Variants in PTPRC observed in about 807,000 individuals in gnomAD.
PTPRC encodes the protein protein tyrosine phosphatase receptor type C, also known as receptor-type tyrosine-protein phosphatase C.
Under a neutral mutation model 155.9 loss-of-function variants are expected in PTPRC, and 44 were observed. The observed-to-expected ratio is 0.28, with a 90% CI of 0.22 to 0.36. PTPRC has a LOEUF of 0.36. Among genes scored for constraint, PTPRC ranks in the 10% least tolerant of loss-of-function variants. PTPRC has a pLI of 1.00. For missense variants in PTPRC, 1,401 were observed against 1,564.6 expected (o/e 0.90, Z 1.76); for synonymous variants, 525 against 533.1 (o/e 0.98, Z 0.21).
chr1:198,735,134 G>T lies in PTPRC; in HGVS notation c.2285G>T (p.Cys762Phe). ...TAATTTTTTAAAATGTAGAACAAGTGTGCAGAATACTGGCCGTCAATGGAA... is the reference window on the plus strand; with the variant it reads ...TAATTTTTTAAAATGTAGAACAAGTTTGCAGAATACTGGCCGTCAATGGAA... The part of the protein sequence containing the change: ...TRCEEGNRNK[C>F]AEYWPSMEEG... The change falls in exon 23 of 33, where the codon TGT becomes TTT. Residue 762 changes from cysteine to phenylalanine, a missense_variant. Around this residue, in one of 3 missense-constraint regions of PTPRC, gnomAD observed 867 missense variants for 970.4 expected, o/e 0.89. Coordinates refer to ENST00000442510, the MANE Select transcript of PTPRC (RefSeq NM_002838.5). 1 of 1,600,250 alleles carries T rather than the reference G, an allele frequency of 6.2e-7. No homozygotes were observed. The highest frequency in any genetic ancestry group is 8.5e-7 in the Non-Finnish European group (1 of 1,172,148).
At position 198,699,645 on chromosome 1, in the gene PTPRC, T is replaced by C. The variant is rs778137179; in HGVS notation, c.380T>C (p.Phe127Ser). Residue 127 changes from phenylalanine to serine, a missense_variant, in exon 5 of 33, where the codon TTC becomes TCC. By Grantham distance (155) the Phe-to-Ser change is radical. Around this residue, in one of 3 missense-constraint regions of PTPRC, gnomAD observed 867 missense variants for 970.4 expected, o/e 0.89. Coordinates refer to ENST00000442510, the MANE Select transcript of PTPRC (RefSeq NM_002838.5). ...TCTGCTGGAACTGACACGCAGACAT[T>C]CAGCGGCTCCGCCGCCAATGCAAAA... ...TPSAGTDTQT[F>S]SGSAANAKLN... 8.7e-6 allele frequency: 14 copies of C among 1,614,050 alleles called. No individual in the cohort carries two copies. Among genetic ancestry groups the C allele is most frequent in the Non-Finnish European group, 1.2e-5 (14 of 1,180,034 alleles).
At chr1:198,743,809 C>G (rs556110013) in intron 25 of PTPRC, among the ~76,000 whole-genome samples, 280 of 151,860 alleles carry the variant, frequency 1.8e-3, no homozygotes, top group Middle Eastern at 6.8e-3. Flanking sequence ...ATACAGAGTA[C>G]ATGGATAATC....
intron 2 of PTPRC, among the ~76,000 whole-genome samples, chr1:198,668,700 TTGA>T (rs1043443598): frequency 6.6e-6 from 1 of 152,190 alleles, no homozygotes; most frequent in African/African-American, 2.4e-5. Flanking sequence ...GCAAGAATGA[TTGA>T]TAAGGAATTA....
intron 17 of PTPRC, among the ~76,000 whole-genome samples, chr1:198,730,521 G>A (rs552679445): frequency 2.3e-3 from 356 of 152,190 alleles, no homozygotes; most frequent in Middle Eastern, 6.8e-3. Flanking sequence ...ATAGGGTATC[G>A]TGAGGATTCA....
At chr1:198,687,945 T>C (rs1046510145) in intron 2 of PTPRC, among the ~76,000 whole-genome samples, 2 of 152,072 alleles carry the variant, frequency 1.3e-5, no homozygotes, top group African/African-American at 4.8e-5. Context: ...TGACTAAAAG[T>C]GTTACCAAAA....
chr1:198,743,797 C>CTA (rs1052699658), intron 25 of PTPRC, among the ~76,000 whole-genome samples: 1 of 151,696 alleles, frequency 6.6e-6, no homozygotes. Flanking sequence ...AAAAGTTGTG[C>CTA]AATACAGAGT....
intron 23 of PTPRC, among the ~76,000 whole-genome samples, chr1:198,741,667 T>C (rs1654905638): frequency 6.6e-6 from 1 of 151,866 alleles, no homozygotes; most frequent in Non-Finnish European, 1.5e-5. Context: ...CTGCACAATA[T>C]CTTAACTACT....
chr1:198,718,690 G>C (rs1009040114), intron 14 of PTPRC, among the ~76,000 whole-genome samples: 1 of 151,986 alleles, frequency 6.6e-6, no homozygotes, highest in Non-Finnish European at 1.5e-5. Context: ...GTACCTTGAG[G>C]TTAGGAAATA....
rs148934261 is a variant in PTPRC at position 198,710,748 on chromosome 1, A to C, written c.1171+924A>C. On this transcript the variant is annotated intron_variant, in intron 11 of 32. Coordinates refer to ENST00000442510, the MANE Select transcript of PTPRC (RefSeq NM_002838.5). Reference sequence around the variant, plus strand: ...GTTTGTTACTAATGTACAAAAGTACAATTGATTTTTCTGTATTGATCTTGC... The same window carrying C: ...GTTTGTTACTAATGTACAAAAGTACCATTGATTTTTCTGTATTGATCTTGC... 6.6e-3 allele frequency among the ~76,000 whole-genome samples: 1,008 copies of C among 152,358 alleles called. 14 individuals carry two copies. Among genetic ancestry groups the C allele is most frequent in the African/African-American group, 0.023 (960 of 41,578 alleles).
intron 2 of PTPRC, among the ~76,000 whole-genome samples, chr1:198,683,828 T>C (rs1297164671): frequency 6.6e-6 from 1 of 152,108 alleles, no homozygotes; most frequent in African/African-American, 2.4e-5. Flanking sequence ...AGCCAGAATT[T>C]TGTAAACTAT....
At chr1:198,703,263 A>G (rs1403475192) in intron 6 of PTPRC, 35 bp from the exon 7 acceptor site, 16 of 1,611,190 alleles carry the variant, frequency 9.9e-6, no homozygotes, top group Non-Finnish European at 1.3e-5. Context: ...ATAACGAATT[A>G]ATTAGCTTTT....
In PTPRC at chr1:198,742,303, A is replaced by C. The variant is rs771742205; in HGVS notation, c.2633A>C (p.Lys878Thr). 5.6e-6 allele frequency: 9 copies of C among 1,612,232 alleles called. No individual in the cohort carries two copies. The Admixed American group carries it at 1.5e-4, about 27-fold the overall frequency. ...AMLEGLEAEN[K>T]VDVYGYVVKL... ...CTAGAAGGCCTGGAAGCCGAGAACA[A>C]AGTGGATGTTTATGGTTATGTTGTC... The change falls in exon 25 of 33, where the codon AAA (lysine) becomes ACA (threonine). Residue 878 changes from lysine (K) to threonine (T), a missense_variant. Physicochemically the swap from Lys to Thr is moderately conservative, Grantham distance 78. This residue lies in a region of PTPRC where 134 missense variants were observed against 204.7 expected (regional missense o/e 0.65). Transcript: ENST00000442510.
At position 198,756,623 on chromosome 1, in the gene PTPRC, A is replaced by G. The variant is rs1418026082; in HGVS notation, c.*442A>G. ...AAATCATAAACTGTGTGCAGACTCAATAAAATCATGTACATTTCTGAAATG... is the reference window on the plus strand; with the variant it reads ...AAATCATAAACTGTGTGCAGACTCAGTAAAATCATGTACATTTCTGAAATG... On this transcript the variant is annotated 3_prime_UTR_variant, in exon 33 of 33. Coordinates refer to ENST00000442510, the MANE Select transcript of PTPRC (RefSeq NM_002838.5). 1 of 175,112 alleles carries G rather than the reference A, an allele frequency of 5.7e-6. No individual in the cohort carries two copies. The highest frequency in any genetic ancestry group is 1.2e-5 in the Non-Finnish European group (1 of 81,768). The allele number at this position is 175,112 out of a possible 1,614,324, so 10.8% of individuals were successfully genotyped here. A position where few individuals can be genotyped will look rare whatever the true frequency, so the allele number is the denominator to read the frequency against.
intron 2 of PTPRC, among the ~76,000 whole-genome samples, chr1:198,649,376 A>C (rs1334108746): frequency 6.6e-6 from 1 of 151,894 alleles, no homozygotes; most frequent in East Asian, 1.9e-4. Context: ...TGGCTAAGGA[A>C]ACATAAATGA....
chr1:198,736,579 A>G (rs757310610), intron 23 of PTPRC, among the ~76,000 whole-genome samples: 20 of 151,726 alleles, frequency 1.3e-4, no homozygotes, highest in Non-Finnish European at 2.8e-4. Flanking sequence ...TTGTTTATCC[A>G]TTCATCAGTC....
chr1:198,649,710 C>T (rs1268363316), intron 2 of PTPRC, among the ~76,000 whole-genome samples: 1 of 151,782 alleles, frequency 6.6e-6, no homozygotes, highest in Non-Finnish European at 1.5e-5. Context: ...ATGATTCACT[C>T]ATCGATTCAT....
At chr1:198,754,585 T>C (rs978603364) in intron 32 of PTPRC, 181 bp downstream of exon 32, 1 of 720,592 alleles carries the variant, frequency 1.4e-6, no homozygotes, top group African/African-American at 1.8e-5. Context: ...TAATTCACAT[T>C]AAATTATTAT....
rs935334374 is a variant in PTPRC at position 198,693,359 on chromosome 1, A to G, written c.100+986A>G. Reference sequence around the variant, plus strand: ...ATAAATAAATAAAAGTCATTCTTGCATAGTAGATTGTGATTGGTTTATGCC... The same window carrying G: ...ATAAATAAATAAAAGTCATTCTTGCGTAGTAGATTGTGATTGGTTTATGCC... On this transcript the variant is annotated intron_variant, in intron 3 of 32. Transcript: ENST00000442510. Among the ~76,000 whole-genome samples the G allele has an allele frequency of 3.9e-5, 6 of 152,360 alleles. No individual in the cohort carries two copies. The South Asian group carries it at 1.2e-3, about 32-fold the overall frequency.
At chr1:198,729,051 C>T (rs1196704983) in intron 16 of PTPRC, 86 bp from the exon 17 acceptor site, 4 of 1,447,248 alleles carry the variant, frequency 2.8e-6, no homozygotes, top group African/African-American at 1.4e-5. Flanking sequence ...TTTGTTCCTT[C>T]AATATATTCA....
Sources: gnomAD v4.1 joint callset for allele counts (sites outside exome capture counted in the v4.1 genomes callset) on GRCh38, gnomAD v4.1.1 for gene constraint, gnomAD v4.1.1 regional missense constraint, MANE v1.5 for transcripts, NCBI Gene and HGNC (gene_info 2026-07-23, HGNC 2026-07-21) for gene names.